Variants in ACOT11 observed in about 807,000 individuals in gnomAD.
ACOT11 encodes the protein acyl-coenzyme A thioesterase 11.
Under a neutral mutation model 77.5 loss-of-function variants are expected in ACOT11, and 69 were observed. The ratio of observed to expected loss-of-function variants is 0.89; its 90% CI spans 0.73 to 1.09. ACOT11 has a LOEUF of 1.09. ACOT11 is among the 50% of genes least tolerant of loss of function. The pLI is 0.00. For missense variants in ACOT11, 766 were observed against 813.7 expected, an observed-to-expected ratio of 0.94 and a Z score of 0.71; for synonymous variants, 279 against 313.0, an observed-to-expected ratio of 0.89 and a Z score of 1.15.
At chr1:54,565,777 T>G in intron 1 of ACOT11, among the ~76,000 whole-genome samples, 1 of 152,226 alleles carries the variant, frequency 6.6e-6, no homozygotes, top group East Asian at 1.9e-4. Context: ...CTACTGGATC[T>G]GTCCCAGGAC....
intron 1 of ACOT11, among the ~76,000 whole-genome samples, chr1:54,579,472 A>G (rs1654228103): frequency 7.9e-6 from 1 of 126,108 alleles, no homozygotes; most frequent in Admixed American, 7.3e-5. Flanking sequence ...GTTGACAGGC[A>G]GGAATACTCC....
intron 5 of ACOT11, among the ~76,000 whole-genome samples, chr1:54,594,315 C>A (rs367983905): frequency 6.6e-6 from 1 of 152,188 alleles, no homozygotes; most frequent in Non-Finnish European, 1.5e-5. Flanking sequence ...TACAGTGACA[C>A]CCCCCATCCT....
chr1:54,555,574 T>G (rs1475683463), intron 1 of ACOT11, among the ~76,000 whole-genome samples: 1 of 152,166 alleles, frequency 6.6e-6, no homozygotes, highest in Non-Finnish European at 1.5e-5. Flanking sequence ...CAGAAGTGTT[T>G]TGGTATAAAG....
chr1:54,638,541 G>C (rs1338579956), exon 17 of ACOT11: 1 of 151,866 alleles, frequency 6.6e-6, no homozygotes, highest in Non-Finnish European at 1.5e-5. Flanking sequence ...TATTTTTAGT[G>C]GAGATGGGGT....
chr1:54,612,842 A>G (rs1422620888), downstream of ACOT11: 4 of 666,600 alleles, frequency 6.0e-6, no homozygotes, highest in African/African-American at 3.6e-5. Context: ...AGAGTCCCAA[A>G]GGACAGAATG....
chr1:54,619,724 G>A (rs1644210326), intron 15 of ACOT11: 2 of 839,550 alleles, frequency 2.4e-6, no homozygotes, highest in Non-Finnish European at 3.7e-6. Context: ...TAACCCCTCT[G>A]AGCCCCTATT....
chr1:54,631,058 CAAAG>C (rs1203727122), intron 16 of ACOT11, among the ~76,000 whole-genome samples: 1 of 152,166 alleles, frequency 6.6e-6, no homozygotes, highest in Non-Finnish European at 1.5e-5. Flanking sequence ...GCTAAAGCGG[CAAAG>C]GAAGGAGAGT....
chr1:54,555,777 C>T (rs929238556), intron 1 of ACOT11, among the ~76,000 whole-genome samples: 7 of 151,960 alleles, frequency 4.6e-5, no homozygotes, highest in Admixed American at 4.6e-4. Flanking sequence ...TGGAGTCTCA[C>T]TCTGTCGCCT....
At chr1:54,603,775 C>G (rs1482092140) in intron 10 of ACOT11, 96 bp from the exon 11 acceptor site, 1 of 1,207,914 alleles carries the variant, frequency 8.3e-7, no homozygotes, top group African/African-American at 1.5e-5. Flanking sequence ...CTGCCGGGCT[C>G]AGCACAGGGC....
At chr1:54,571,356 A>T (rs547026425) in intron 1 of ACOT11, among the ~76,000 whole-genome samples, 1 of 152,268 alleles carries the variant, frequency 6.6e-6, no homozygotes, top group Admixed American at 6.5e-5. Flanking sequence ...AGTGTAGGAA[A>T]ATATGGGGAT....
chr1:54,561,872 C>T (rs1391092740), intron 1 of ACOT11, among the ~76,000 whole-genome samples: 33 of 70,884 alleles, frequency 4.7e-4, no homozygotes, highest in African/African-American at 8.9e-4. Flanking sequence ...CAGAGGCGCC[C>T]CTCACCTCCC....
intron 3 of ACOT11, among the ~76,000 whole-genome samples, chr1:54,586,556 C>T (rs1031625826): frequency 2.6e-5 from 4 of 151,784 alleles, no homozygotes; most frequent in East Asian, 3.9e-4. Flanking sequence ...CTCAGCCTCA[C>T]GAGTAGCTGG....
At chr1:54,573,395 A>G in intron 1 of ACOT11, 1 of 238,428 alleles carries the variant, frequency 4.2e-6, no homozygotes, top group Non-Finnish European at 6.8e-6. Flanking sequence ...AACAACATTC[A>G]GGTATTAAGG....
chr1:54,572,115 C>T (rs1233450112), intron 1 of ACOT11, among the ~76,000 whole-genome samples: 5 of 151,922 alleles, frequency 3.3e-5, no homozygotes, highest in Admixed American at 2.0e-4. Context: ...CTCTCTTCTG[C>T]TTGCTCTGTT....
chr1:54,576,346 C>G (rs2100968871), intron 1 of ACOT11, among the ~76,000 whole-genome samples: 1 of 151,838 alleles, frequency 6.6e-6, no homozygotes, highest in South Asian at 2.1e-4. Flanking sequence ...GCCTTGGCAA[C>G]AAAAAATTAG....
In ACOT11 at chr1:54,609,007, C is replaced by G. The variant is rs757794515; in HGVS notation, c.1680C>G (p.Thr560=). 1.7e-5 allele frequency: 27 copies of G among 1,610,696 alleles called. No homozygotes were observed. The South Asian group carries it at 2.6e-4, about 16-fold the overall frequency. ...CAGGTGTTCTCAACTATGTGACCACCAACGTGGCCGGCCTCTCCTCTGAGT... is the reference window on the plus strand; with the variant it reads ...CAGGTGTTCTCAACTATGTGACCACGAACGTGGCCGGCCTCTCCTCTGAGT... ...ATPGVLNYVT[T]NVAGLSSEFY... Residue 560 remains threonine, a synonymous_variant, in exon 16 of 16, where the codon ACC becomes ACG. Transcript: ENST00000343744.
intron 13 of ACOT11, 88 bp downstream of exon 13, chr1:54,605,297 A>G (rs1452905697): frequency 1.4e-6 from 2 of 1,448,898 alleles, no homozygotes; most frequent in Non-Finnish European, 1.8e-6. Context: ...ATCCTCCATG[A>G]TGCTCTGCCC....
intron 7 of ACOT11, 105 bp downstream of exon 7, chr1:54,597,520 G>A: frequency 7.4e-7 from 1 of 1,357,996 alleles, no homozygotes; most frequent in Non-Finnish European, 9.8e-7. Flanking sequence ...GGCATTCAAG[G>A]CTTCAGAAGC....
intron 1 of ACOT11, among the ~76,000 whole-genome samples, chr1:54,566,903 C>A (rs1380330127): frequency 2.0e-5 from 3 of 152,182 alleles, no homozygotes; most frequent in African/African-American, 7.2e-5. Context: ...CAAGGTGTGT[C>A]ATGATCTAGT....
Sources: allele counts gnomAD v4.1 joint callset (sites outside exome capture counted in the v4.1 genomes callset), GRCh38; gene constraint gnomAD v4.1.1; transcripts MANE v1.5; gene names NCBI Gene and HGNC (gene_info 2026-07-23, HGNC 2026-07-21).